CYP7B1: variants seen among roughly 807,000 people sequenced by gnomAD.
CYP7B1 encodes cytochrome P450 family 7 subfamily B member 1.
CYP7B1 carries 29 observed loss-of-function variants against 42.7 expected under a neutral mutation model. That is an observed-to-expected ratio of 0.68 (90% CI 0.51 to 0.93). The LOEUF is 0.93. Among genes scored for constraint, CYP7B1 ranks in the 40% least tolerant of loss-of-function variants. CYP7B1 has a pLI of 0.00. For synonymous variants in CYP7B1, 235 were observed against 218.2 expected, an observed-to-expected ratio of 1.08 and a Z score of -0.68; for missense variants, 655 against 600.5, an observed-to-expected ratio of 1.09 and a Z score of -0.95.
chr8:64,722,188 AGT>A (rs1473235008), intron 1 of CYP7B1, among the ~76,000 whole-genome samples: 1 of 152,150 alleles, frequency 6.6e-6, no homozygotes, highest in East Asian at 1.9e-4. Context: ...CAGCAAAACT[AGT>A]TTATAATTAC....
At chr8:64,616,418 T>C (rs888934774) in intron 2 of CYP7B1, 137 bp from the exon 3 acceptor site, 1 of 659,090 alleles carries the variant, frequency 1.5e-6, no homozygotes, top group Non-Finnish European at 2.6e-6. Flanking sequence ...TACAAATCCA[T>C]TTCATTCGAA....
intron 1 of CYP7B1, among the ~76,000 whole-genome samples, chr8:64,765,232 G>T (rs944473822): frequency 6.6e-6 from 1 of 152,118 alleles, no homozygotes; most frequent in Non-Finnish European, 1.5e-5. Flanking sequence ...CAAAAGTAAA[G>T]TTTGCTAAAA....
intron 1 of CYP7B1, among the ~76,000 whole-genome samples, chr8:64,774,860 T>C (rs1319400841): frequency 1.3e-5 from 2 of 152,172 alleles, no homozygotes; most frequent in African/African-American, 4.8e-5. Flanking sequence ...GTAAAATAAC[T>C]TGTGAGAAGT....
intron 1 of CYP7B1, among the ~76,000 whole-genome samples, chr8:64,729,627 G>A (rs184895521): frequency 5.3e-5 from 8 of 152,162 alleles, no homozygotes; most frequent in East Asian, 3.9e-4. Context: ...CATTTTAAGC[G>A]TGAGATTTTT....
chr8:64,761,647 C>T (rs1409441146), intron 1 of CYP7B1, among the ~76,000 whole-genome samples: 1 of 152,080 alleles, frequency 6.6e-6, no homozygotes, highest in African/African-American at 2.4e-5. Context: ...CCCAGAGTGC[C>T]GGACACATTC....
downstream of CYP7B1, among the ~76,000 whole-genome samples, chr8:64,588,872 A>C (rs535273371): frequency 2.0e-5 from 3 of 152,366 alleles, no homozygotes; most frequent in East Asian, 5.8e-4. Context: ...AGAAATGTGA[A>C]GAGTTGGGAA....
rs570581276 is a variant in CYP7B1, at chr8:64,652,157, A to G, written c.123-27618T>C. ...ATCTAGGCCTCTTGACTCCTAGCCT[A>G]TGATCTCTCCAAATTACCAATGATT... On this transcript the variant is annotated intron_variant, in intron 1 of 5. Coordinates refer to ENST00000310193, the MANE Select transcript of CYP7B1 (RefSeq NM_004820.5). Among the ~76,000 whole-genome samples the G allele has an allele frequency of 3.3e-5, 5 of 152,340 alleles. No homozygotes were observed. In the South Asian group the frequency reaches 1.0e-3, roughly 32 times the overall value.
chr8:64,744,103 T>A (rs759405392), intron 1 of CYP7B1, among the ~76,000 whole-genome samples: 26 of 152,184 alleles, frequency 1.7e-4, no homozygotes, highest in Non-Finnish European at 2.8e-4. Flanking sequence ...AAATAAATCC[T>A]TTATATTGGC....
Position 64,678,404 on chromosome 8 carries a change from A to G in CYP7B1, c.123-53865T>C, listed in dbSNP as rs549117298. On this transcript the variant is annotated intron_variant, in intron 1 of 5. Coordinates refer to ENST00000310193, the MANE Select transcript of CYP7B1 (RefSeq NM_004820.5). ...AGGCTAGCTGGATTTATTTAGCATC[A>G]ATTCTTTAATCCTAGAAAAATCATT... Among the ~76,000 whole-genome samples the G allele has an allele frequency of 3.9e-5, 6 of 152,234 alleles. No homozygotes were observed. In the South Asian group the frequency reaches 1.2e-3, roughly 32 times the overall value.
chr8:64,691,127 C>T (rs979334453), intron 1 of CYP7B1, among the ~76,000 whole-genome samples: 5 of 152,186 alleles, frequency 3.3e-5, no homozygotes, highest in Non-Finnish European at 7.3e-5. Flanking sequence ...CATTATACAA[C>T]ATCCAGAGCT....
intron 1 of CYP7B1, among the ~76,000 whole-genome samples, chr8:64,649,820 G>A (rs1806011853): frequency 6.6e-6 from 1 of 152,120 alleles, no homozygotes; most frequent in Admixed American, 6.5e-5. Flanking sequence ...GTGGTGTTGA[G>A]CATCTTTCCA....
At chr8:64,744,172 C>T (rs1174596956) in intron 1 of CYP7B1, among the ~76,000 whole-genome samples, 1 of 152,166 alleles carries the variant, frequency 6.6e-6, no homozygotes, top group Non-Finnish European at 1.5e-5. Context: ...ATATAGTCAA[C>T]TGAGTGTTAG....
At chr8:64,742,441 GA>G (rs1007387398) in intron 1 of CYP7B1, among the ~76,000 whole-genome samples, 1 of 151,386 alleles carries the variant, frequency 6.6e-6, no homozygotes, top group African/African-American at 2.4e-5. Flanking sequence ...TTATTAATAA[GA>G]AAAAAAAGAC....
chr8:64,787,510 C>G (rs4461935), intron 1 of CYP7B1, among the ~76,000 whole-genome samples: 61,876 of 152,176 alleles, frequency 0.41, 15,108 homozygotes, highest in Non-Finnish European at 0.51. Context: ...ATATCACTAT[C>G]AGCATTTTGG....
intron 1 of CYP7B1, among the ~76,000 whole-genome samples, chr8:64,632,498 T>C (rs1423984683): frequency 6.6e-6 from 1 of 152,136 alleles, no homozygotes; most frequent in African/African-American, 2.4e-5. Flanking sequence ...GAGCTGCTGC[T>C]GTACAACATT....
rs1415957811 is a variant in CYP7B1, at chr8:64,621,455, TGTCA to T, written c.259+2944_259+2947del. Among the ~76,000 whole-genome samples the T allele has an allele frequency of 6.6e-5, 10 of 152,268 alleles. No individual in the cohort carries two copies. The East Asian group carries it at 1.5e-3, about 24-fold the overall frequency. ...ACTCTGGCCTCAAAAGTTGAGTCCA[TGTCA>T]GTCAGGTAAACAATAACATTCTGGC... On this transcript the variant is annotated intron_variant, in intron 2 of 5. Coordinates refer to ENST00000310193, the MANE Select transcript of CYP7B1 (RefSeq NM_004820.5).
At chr8:64,708,957 G>T (rs1807040074) in intron 1 of CYP7B1, among the ~76,000 whole-genome samples, 1 of 152,150 alleles carries the variant, frequency 6.6e-6, no homozygotes, top group Non-Finnish European at 1.5e-5. Flanking sequence ...TCAACCTCAT[G>T]CTCACCTCCT....
chr8:64,783,026 A>C (rs183957949), intron 1 of CYP7B1, among the ~76,000 whole-genome samples: 11 of 152,310 alleles, frequency 7.2e-5, no homozygotes, highest in African/African-American at 2.2e-4. Context: ...TCTATTAATC[A>C]AGAGCCACAG....
rs1805038939 is a variant in CYP7B1 at position 64,591,807 on chromosome 8, T to A, written c.*4835A>T. On this transcript the variant is annotated 3_prime_UTR_variant, in exon 6 of 6. Transcript: ENST00000310193. Reference sequence around the variant, plus strand: ...AGGGCTTTAGTTTCTGCTGAGTGTTTCATTACGTTGGTCATTGATATAAAA... The same window carrying A: ...AGGGCTTTAGTTTCTGCTGAGTGTTACATTACGTTGGTCATTGATATAAAA... Among the ~76,000 whole-genome samples, 1 of 152,198 alleles carries A rather than the reference T, an allele frequency of 6.6e-6. No individual in the cohort carries two copies. The highest frequency in any genetic ancestry group is 2.1e-4 in the South Asian group (1 of 4,832).
Sources: gnomAD v4.1 joint callset for allele counts (sites outside exome capture counted in the v4.1 genomes callset) on GRCh38, gnomAD v4.1.1 for gene constraint, MANE v1.5 for transcripts, NCBI Gene and HGNC (gene_info 2026-07-23, HGNC 2026-07-21) for gene names.